The following CCKAR variants were observed in gnomAD, a reference collection of about 807,000 sequenced individuals.
CCKAR encodes cholecystokinin A receptor, also known as cholecystokinin receptor type A.
A neutral mutation model predicts 29.8 loss-of-function variants in CCKAR; 21 were observed. The observed-to-expected ratio is 0.70, with a 90% CI of 0.50 to 1.01. CCKAR has a LOEUF of 1.01. Ranked by LOEUF, CCKAR falls within the 50% of genes least tolerant of loss-of-function variation. CCKAR has a pLI of 0.00. For missense variants in CCKAR, 570 were observed against 560.6 expected (o/e 1.02, Z -0.17); for synonymous variants, 238 against 221.3 (o/e 1.08, Z -0.67).
At chr4:26,489,589 T>A in intron 1 of CCKAR, 105 bp from the exon 2 acceptor site, 1 of 1,258,744 alleles carries the variant, frequency 7.9e-7, no homozygotes, top group Non-Finnish European at 1.1e-6. Flanking sequence ...CCCACCGGGG[T>A]GTACATCACT....
At position 26,490,436 on chromosome 4, in the gene CCKAR, T is replaced by G; in HGVS notation, c.-169A>C. On this transcript the variant is annotated 5_prime_UTR_variant, in exon 1 of 5. Transcript: ENST00000295589. ...CAGCCATTCCTAAAGGCGACTTGAG[T>G]TCACCTCACTCACTCCAGCATTTGT... The G allele has an allele frequency of 7.0e-6, 4 of 573,316 alleles. No individual in the cohort carries two copies. The South Asian group carries it at 7.7e-5, about 11-fold the overall frequency. 35.5% of individuals were successfully genotyped at this position (573,316 alleles called of 1,614,324 possible).
intron 3 of CCKAR, 58 bp downstream of exon 3, chr4:26,485,579 C>T: frequency 6.3e-7 from 1 of 1,590,052 alleles, no homozygotes; most frequent in African/African-American, 1.3e-5. Flanking sequence ...CTCAGTTTTT[C>T]ATGATATTGC....
intron 2 of CCKAR, among the ~76,000 whole-genome samples, chr4:26,488,168 C>T (rs944450520): frequency 1.3e-5 from 2 of 152,158 alleles, no homozygotes; most frequent in South Asian, 4.2e-4. Context: ...TGCCCTTCTC[C>T]CAACTAATTC....
intron 3 of CCKAR, 74 bp downstream of exon 3, chr4:26,485,563 A>C: frequency 6.6e-7 from 1 of 1,518,544 alleles, no homozygotes; most frequent in Non-Finnish European, 9.1e-7. Context: ...ACTCTGGGCA[A>C]GGCATCTCAG....
Position 26,489,366 on chromosome 4 carries a change from G to C in CCKAR, c.231C>G (p.Asn77Lys). 6.2e-7 allele frequency: 1 copy of C among 1,614,192 alleles called. No homozygotes were observed. The highest frequency in any genetic ancestry group is 8.5e-7 in the Non-Finnish European group (1 of 1,180,040). The part of the protein sequence containing the change: ...IRNKRMRTVT[N>K]IFLLSLAVSD... ...TGACAGCCAGGGAGAGGAGGAAGAT[G>C]TTGGTGACCGTCCGCATCCGCTTGT... The change falls in exon 2 of 5, where the codon AAC (asparagine) becomes AAG (lysine). Residue 77 changes from asparagine (N) to lysine (K), a missense_variant. Asn to Lys is a moderately conservative substitution (Grantham distance 94, BLOSUM62 0). Coordinates refer to ENST00000295589, the MANE Select transcript of CCKAR (RefSeq NM_000730.3).
chr4:26,490,046 C>T (rs983759227), intron 1 of CCKAR, 110 bp downstream of exon 1: 3 of 689,898 alleles, frequency 4.3e-6, no homozygotes, highest in Non-Finnish European at 7.7e-6. Context: ...TTTATCTAGC[C>T]TTGTCTCACA....
Position 26,489,260 on chromosome 4 carries a change from C to G in CCKAR, c.337G>C (p.Val113Leu). 6.2e-7 allele frequency: 1 copy of G among 1,614,088 alleles called. No individual in the cohort carries two copies. The change falls in exon 2 of 5, where the codon GTT becomes CTT. Residue 113 changes from valine (V) to leucine (L), a missense_variant. Physicochemically the swap from Val to Leu is conservative, Grantham distance 32 (BLOSUM62 1). Transcript: ENST00000295589. Reference protein sequence around the residue: ...LLKDFIFGSAVCKTTTYFMGT... With the variant: ...LLKDFIFGSALCKTTTYFMGT... ...ATGAAGTAGGTGGTGGTCTTGCAAA[C>G]GGCGCTCCCGAAGATGAAATCCTTG...
At position 26,481,927 on chromosome 4, in the gene CCKAR, T is replaced by C. The variant is rs1009289099; in HGVS notation, c.998A>G (p.Asn333Ser). 23 of 1,614,020 alleles carry C rather than the reference T, an allele frequency of 1.4e-5. No individual in the cohort carries two copies. Among genetic ancestry groups the C allele is most frequent in the Non-Finnish European group, 1.6e-5 (19 of 1,180,028 alleles). The change falls in exon 5 of 5, where the codon AAC becomes AGC. Residue 333 changes from asparagine to serine, a missense_variant. By Grantham distance (46) the Asn-to-Ser change is conservative (BLOSUM62 1). Transcript: ENST00000295589. ...FLCWMPIFSA[N>S]AWRAYDTASA... ...GGCGGTGTCGTAGGCCCGCCAGGCG[T>C]TGGCGCTGAAGATGGGCATCCAGCA...
rs1044347947 is a variant in CCKAR at position 26,485,881 on chromosome 4, A to T, written c.382T>A (p.Ser128Thr). 3.1e-6 allele frequency: 5 copies of T among 1,613,450 alleles called. No homozygotes were observed. Among genetic ancestry groups the T allele is most frequent in the African/African-American group, 2.7e-5 (2 of 74,900 alleles). The change falls in exon 3 of 5, where the codon TCT becomes ACT. Residue 128 changes from serine (S) to threonine (T), a missense_variant. Physicochemically the swap from Ser to Thr is moderately conservative, Grantham distance 58. Coordinates refer to ENST00000295589, the MANE Select transcript of CCKAR (RefSeq NM_000730.3). The stretch of plus-strand genomic sequence containing the variant: ...GATATGGCTACCAGATTAAAGGTAG[A>T]TACACTCACAGAGGTGCCTGGGAAA... Reference protein sequence around the residue: ...TYFMGTSVSVSTFNLVAISLE... With the variant: ...TYFMGTSVSVTTFNLVAISLE...
intron 2 of CCKAR, 80 bp from the exon 3 acceptor site, chr4:26,485,978 T>C (rs1737444216): frequency 7.9e-7 from 1 of 1,270,946 alleles, no homozygotes; most frequent in Non-Finnish European, 1.1e-6. Context: ...ATATATCTGA[T>C]CTGCACAGGT....
chr4:26,486,303 T>C (rs1261525224), intron 2 of CCKAR, among the ~76,000 whole-genome samples: 4 of 152,210 alleles, frequency 2.6e-5, no homozygotes, highest in African/African-American at 9.6e-5. Flanking sequence ...AAAATGATTT[T>C]TAAAACCCGA....
At chr4:26,482,312 G>T in intron 4 of CCKAR, 142 bp from the exon 5 acceptor site, 1 of 690,634 alleles carries the variant, frequency 1.4e-6, no homozygotes, top group Non-Finnish European at 2.5e-6. Context: ...ACACTGATAT[G>T]GGTAAGCATT....
At chr4:26,488,679 C>A (rs201195509) in intron 2 of CCKAR, among the ~76,000 whole-genome samples, 2 of 152,134 alleles carry the variant, frequency 1.3e-5, no homozygotes, top group African/African-American at 4.8e-5. Context: ...CCAGAGATGG[C>A]CCCAGCTTTG....
Position 26,485,827 on chromosome 4 carries a change from GT to G in CCKAR, c.435del (p.Lys145AsnfsTer15). 2 of 1,613,932 alleles carry G rather than the reference GT, an allele frequency of 1.2e-6. No individual in the cohort carries two copies. Among genetic ancestry groups the G allele is most frequent in the Non-Finnish European group, 1.7e-6 (2 of 1,179,908 alleles). On this transcript the variant is annotated frameshift_variant, in exon 3 of 5. Transcript: ENST00000295589. LOFTEE classifies it high-confidence loss of function. ...ISLERYGAICKPLQSRVWQTK... is the reference protein window; with the variant it reads ...ISLERYGAICXPLQSRVWQTK... ...GTCTGCCAGACCCGGGACTGTAAGG[GT>G]TTGCAAATCGCACCATATCTCTCTA...
Position 26,485,822 on chromosome 4 carries a change from T to C in CCKAR, c.441A>G (p.Leu147=). 1 of 1,613,990 alleles carries C rather than the reference T, an allele frequency of 6.2e-7. No individual in the cohort carries two copies. Among genetic ancestry groups the C allele is most frequent in the Non-Finnish European group, 8.5e-7 (1 of 1,179,938 alleles). ...ATTTTGTCTGCCAGACCCGGGACTGTAAGGGTTTGCAAATCGCACCATATC... is the reference window on the plus strand; with the variant it reads ...ATTTTGTCTGCCAGACCCGGGACTGCAAGGGTTTGCAAATCGCACCATATC... The part of the protein sequence containing the change: ...LERYGAICKP[L]QSRVWQTKSH... The change falls in exon 3 of 5, where the codon TTA becomes TTG. Residue 147 remains leucine (L), a synonymous_variant. Coordinates refer to ENST00000295589, the MANE Select transcript of CCKAR (RefSeq NM_000730.3).
intron 2 of CCKAR, among the ~76,000 whole-genome samples, chr4:26,486,869 G>A (rs1278670721): frequency 6.6e-6 from 1 of 152,046 alleles, no homozygotes; most frequent in East Asian, 1.9e-4. Flanking sequence ...AGCCAAGATC[G>A]CACCACTGCA....
rs184397880 is a variant in CCKAR at position 26,488,346 on chromosome 4, G to A, written c.364+887C>T. On this transcript the variant is annotated intron_variant, in intron 2 of 4. Transcript: ENST00000295589. ...ATCTCAGCTCTGTTGCTTACCATCTGTGTGGTTCTAGGCACATTATGGACC... is the reference window on the plus strand; with the variant it reads ...ATCTCAGCTCTGTTGCTTACCATCTATGTGGTTCTAGGCACATTATGGACC... 6.6e-5 allele frequency among the ~76,000 whole-genome samples: 10 copies of A among 152,290 alleles called. No homozygotes were observed. The East Asian group carries it at 1.9e-3, about 29-fold the overall frequency.
chr4:26,484,701 A>G (rs1317470417), intron 3 of CCKAR, among the ~76,000 whole-genome samples: 4 of 152,012 alleles, frequency 2.6e-5, no homozygotes, highest in Non-Finnish European at 5.9e-5. Context: ...AGCTCTAAGA[A>G]AAACCATGTG....
chr4:26,485,860 T>A lies in CCKAR; in HGVS notation c.403A>T (p.Ile135Leu), dbSNP rs778060884. 2 of 1,613,854 alleles carry A rather than the reference T, an allele frequency of 1.2e-6. No individual in the cohort carries two copies. Among genetic ancestry groups the A allele is most frequent in the East Asian group, 4.5e-5 (2 of 44,868 alleles). Reference protein sequence around the residue: ...VSVSTFNLVAISLERYGAICK... With the variant: ...VSVSTFNLVALSLERYGAICK... ...ATCGCACCATATCTCTCTAGAGATATGGCTACCAGATTAAAGGTAGATACA... is the reference window on the plus strand; with the variant it reads ...ATCGCACCATATCTCTCTAGAGATAAGGCTACCAGATTAAAGGTAGATACA... Residue 135 changes from isoleucine to leucine, a missense_variant, in exon 3 of 5, where the codon ATA becomes TTA. By Grantham distance (5) the Ile-to-Leu change is conservative. Coordinates refer to ENST00000295589, the MANE Select transcript of CCKAR (RefSeq NM_000730.3).
Sources: allele counts gnomAD v4.1 joint callset (sites outside exome capture counted in the v4.1 genomes callset), GRCh38; gene constraint gnomAD v4.1.1; transcripts MANE v1.5; gene names NCBI Gene and HGNC (gene_info 2026-07-23, HGNC 2026-07-21).